The following PDE1C variants were observed in gnomAD, a reference collection of about 807,000 sequenced individuals.
PDE1C encodes dual specificity calcium/calmodulin-dependent 3',5'-cyclic nucleotide phosphodiesterase 1C.
PDE1C carries 62 observed loss-of-function variants against 93.1 expected under a neutral mutation model. The ratio of observed to expected loss-of-function variants is 0.67; its 90% CI spans 0.54 to 0.82. PDE1C has a LOEUF of 0.82. Ranked by LOEUF, PDE1C falls within the 40% of genes least tolerant of loss-of-function variation. PDE1C has a pLI of 0.00. For missense variants in PDE1C, 742 were observed against 884.6 expected (o/e 0.84, Z 2.04); for synonymous variants, 325 against 310.1 (o/e 1.05, Z -0.50).
chr7:31,697,174 T>C, the PDE1C span: 1 of 1,584,782 alleles, frequency 6.3e-7, no homozygotes, highest in East Asian at 2.2e-5. Context: ...TCAAGAACCT[T>C]ACCATCTGGA....
At chr7:32,282,413 T>C (rs1188189575) in intron 1 of PDE1C, among the ~76,000 whole-genome samples, 1 of 144,644 alleles carries the variant, frequency 6.9e-6, no homozygotes, top group East Asian at 2.1e-4. Flanking sequence ...GAAGTGGAGG[T>C]TGCAGTGAGC....
chr7:32,289,461 T>C (rs186287846), intron 1 of PDE1C, among the ~76,000 whole-genome samples: 5 of 152,268 alleles, frequency 3.3e-5, no homozygotes, highest in Non-Finnish European at 7.4e-5. Flanking sequence ...ATGGTGAACA[T>C]AACAACTTAT....
intron 1 of PDE1C, among the ~76,000 whole-genome samples, chr7:32,365,001 C>G (rs972047514): frequency 1.3e-5 from 2 of 152,228 alleles, no homozygotes; most frequent in Non-Finnish European, 2.9e-5. Context: ...GTGGGAGAGG[C>G]CTTCAAGCCT....
intron 2 of PDE1C, among the ~76,000 whole-genome samples, chr7:32,188,366 C>G (rs10263213): frequency 0.34 from 51,860 of 151,824 alleles, 9,666 homozygotes; most frequent in East Asian, 0.51. Context: ...AGCATACATA[C>G]GATTCATTTA....
At chr7:32,166,941 C>T (rs1802319744) in intron 3 of PDE1C, among the ~76,000 whole-genome samples, 1 of 152,152 alleles carries the variant, frequency 6.6e-6, no homozygotes, top group African/African-American at 2.4e-5. Context: ...CAGCAATCTA[C>T]CAGCAATTTT....
At position 31,853,137 on chromosome 7, in the gene PDE1C, A is replaced by C. The variant is rs367846845; in HGVS notation, c.751-2396T>G. Among the ~76,000 whole-genome samples, 6 of 152,212 alleles carry C rather than the reference A, an allele frequency of 3.9e-5. No homozygotes were observed. In the East Asian group the frequency reaches 9.6e-4, roughly 24 times the overall value. ...ATAGTGATGCTTCCCTCCTTACCCA[A>C]ATAATTGAACAAAATCCTATCTTAG... On this transcript the variant is annotated intron_variant, in intron 7 of 17. Transcript: ENST00000396191.
intron 1 of PDE1C, among the ~76,000 whole-genome samples, chr7:32,405,998 C>G (rs930684895): frequency 1.3e-5 from 2 of 152,268 alleles, no homozygotes; most frequent in Admixed American, 6.5e-5. Context: ...TTTCAAAGAA[C>G]CTTTCATGTC....
chr7:32,419,964 C>A (rs1018862968), intron 1 of PDE1C, among the ~76,000 whole-genome samples: 102 of 149,720 alleles, frequency 6.8e-4, no homozygotes, highest in African/African-American at 2.4e-3. Context: ...GTGGCTCACA[C>A]CTGTAATCCC....
chr7:31,842,607 A>G (rs772350669), intron 9 of PDE1C, among the ~76,000 whole-genome samples: 28 of 152,228 alleles, frequency 1.8e-4, no homozygotes, highest in Non-Finnish European at 3.2e-4. Context: ...TATGTATTTC[A>G]TATGTATAGG....
At chr7:32,194,170 T>A (rs556336634) in intron 2 of PDE1C, among the ~76,000 whole-genome samples, 1 of 152,322 alleles carries the variant, frequency 6.6e-6, no homozygotes, top group South Asian at 2.1e-4. Flanking sequence ...CGCCTCGGCC[T>A]CCCAAAGTGC....
the PDE1C span, among the ~76,000 whole-genome samples, chr7:31,691,797 T>TA: frequency 0.06 from 5,203 of 86,426 alleles, 192 homozygotes; most frequent in African/African-American, 0.11. Context: ...ATGTAATGAT[T>TA]AAAAAAAAAA....
intron 1 of PDE1C, among the ~76,000 whole-genome samples, chr7:32,253,804 G>A (rs915787296): frequency 6.6e-5 from 10 of 152,170 alleles, no homozygotes; most frequent in Non-Finnish European, 1.3e-4. Context: ...GCCCAGGAAA[G>A]GGAGTGTCCA....
At chr7:32,420,999 C>G (rs148495022) in intron 1 of PDE1C, among the ~76,000 whole-genome samples, 7 of 152,216 alleles carry the variant, frequency 4.6e-5, no homozygotes, top group Middle Eastern at 3.4e-3. Flanking sequence ...GAGCAAGTCA[C>G]TTGGACTCTC....
intron 1 of PDE1C, among the ~76,000 whole-genome samples, chr7:32,210,241 G>A (rs1219320298): frequency 4.6e-5 from 7 of 152,194 alleles, no homozygotes; most frequent in Non-Finnish European, 1.0e-4. Flanking sequence ...TTGTTAAGGG[G>A]AAACACAGGT....
At chr7:31,662,606 C>T in the PDE1C span, among the ~76,000 whole-genome samples, 5 of 151,988 alleles carry the variant, frequency 3.3e-5, no homozygotes, top group African/African-American at 7.3e-5. Context: ...GTTGTGTAGA[C>T]GTATGTGACT....
intron 2 of PDE1C, among the ~76,000 whole-genome samples, chr7:31,958,751 C>G (rs1169716374): frequency 1.3e-5 from 2 of 152,036 alleles, no homozygotes; most frequent in East Asian, 3.9e-4. Flanking sequence ...GATGACTTTC[C>G]AAGGAATTTT....
At chr7:32,163,398 C>T (rs138814115) in intron 3 of PDE1C, among the ~76,000 whole-genome samples, 1 of 152,294 alleles carries the variant, frequency 6.6e-6, no homozygotes, top group Non-Finnish European at 1.5e-5. Flanking sequence ...ATGAGTTCAA[C>T]GATTTAATTC....
At chr7:32,050,829 G>A (rs995236348) in intron 2 of PDE1C, among the ~76,000 whole-genome samples, 3 of 152,136 alleles carry the variant, frequency 2.0e-5, no homozygotes, top group Non-Finnish European at 4.4e-5. Flanking sequence ...AATGAAAATC[G>A]CATATGCACT....
chr7:32,163,298 C>T (rs1802036157), intron 3 of PDE1C, among the ~76,000 whole-genome samples: 1 of 152,210 alleles, frequency 6.6e-6, no homozygotes, highest in African/African-American at 2.4e-5. Flanking sequence ...ATCAGCCAGA[C>T]TGCACATTTC....
Sources: allele counts gnomAD v4.1 joint callset (sites outside exome capture counted in the v4.1 genomes callset), GRCh38; gene constraint gnomAD v4.1.1; transcripts MANE v1.5; gene names NCBI Gene and HGNC (gene_info 2026-07-23, HGNC 2026-07-21).